Variants in FGF12 observed in about 807,000 individuals in gnomAD.
FGF12 encodes fibroblast growth factor 12.
FGF12 carries 14 observed loss-of-function variants against 23.6 expected under a neutral mutation model. The ratio of observed to expected loss-of-function variants is 0.59; its 90% CI spans 0.39 to 0.93. The LOEUF (loss-of-function observed/expected upper bound fraction) is 0.93. FGF12 is among the 40% of genes least tolerant of loss of function. The probability of loss-of-function intolerance (pLI) is 0.00; values close to 1 mark genes in which losing one functional copy is unlikely to be tolerated. For missense variants in FGF12, 175 were observed against 217.8 expected, an observed-to-expected ratio of 0.80 and a Z score of 1.24; for synonymous variants, 62 against 77.3, an observed-to-expected ratio of 0.80 and a Z score of 1.04.
At chr3:192,645,360 G>A (rs1715965114) in intron 2 of FGF12, among the ~76,000 whole-genome samples, 1 of 152,148 alleles carries the variant, frequency 6.6e-6, no homozygotes, top group Non-Finnish European at 1.5e-5. Context: ...TTAAATAAAT[G>A]TTTAGGACAC....
intron 2 of FGF12, among the ~76,000 whole-genome samples, chr3:192,640,410 C>T (rs191295647): frequency 2.0e-5 from 3 of 151,686 alleles, no homozygotes; most frequent in Admixed American, 6.6e-5. Flanking sequence ...AAAAGCTTGC[C>T]GGGAGAATGT....
chr3:192,586,028 T>TA (rs1713360509), intron 2 of FGF12, among the ~76,000 whole-genome samples: 1 of 149,148 alleles, frequency 6.7e-6, no homozygotes. Flanking sequence ...GAATAGTCCA[T>TA]AAAAGAAAAA....
intron 4 of FGF12, among the ~76,000 whole-genome samples, chr3:192,177,433 A>T (rs1321714336): frequency 6.6e-6 from 1 of 152,220 alleles, no homozygotes; most frequent in East Asian, 1.9e-4. Context: ...ATGTTATGTG[A>T]TTCACTCAGA....
chr3:192,413,369 A>G (rs1231758974), intron 2 of FGF12, among the ~76,000 whole-genome samples: 1 of 152,158 alleles, frequency 6.6e-6, no homozygotes, highest in African/African-American at 2.4e-5. Context: ...TTAATCGCCC[A>G]CTAGCTGTAT....
At chr3:192,323,872 C>G (rs1176966786) in intron 4 of FGF12, among the ~76,000 whole-genome samples, 1 of 152,038 alleles carries the variant, frequency 6.6e-6, no homozygotes, top group Non-Finnish European at 1.5e-5. Flanking sequence ...AGGCAGATCG[C>G]CTGAGCTCAG....
At chr3:192,714,709 G>C (rs970035736) in intron 2 of FGF12, among the ~76,000 whole-genome samples, 2 of 151,778 alleles carry the variant, frequency 1.3e-5, no homozygotes, top group Non-Finnish European at 2.9e-5. Flanking sequence ...TAGTAGAGAC[G>C]GGGTTTCATC....
rs78258047 is a variant in FGF12 at position 192,330,366 on chromosome 3, T to G, written c.228+4995A>C. On this transcript the variant is annotated intron_variant, in intron 4 of 5. Coordinates refer to ENST00000445105, the MANE Select transcript of FGF12 (RefSeq NM_004113.6). ...CTATGGTAATCGAACAGTATGGTAC[T>G]GGCACAAAGAGACACAAACACCAAT... Among the ~76,000 whole-genome samples the G allele has an allele frequency of 1.8e-4, 28 of 152,268 alleles. No homozygotes were observed. In the East Asian group the frequency reaches 5.4e-3, roughly 29 times the overall value.
chr3:192,652,141 T>G (rs146876143), intron 2 of FGF12, among the ~76,000 whole-genome samples: 1 of 152,250 alleles, frequency 6.6e-6, no homozygotes, highest in East Asian at 1.9e-4. Flanking sequence ...GAGATTAAAG[T>G]GGATAAAACG....
intron 2 of FGF12, among the ~76,000 whole-genome samples, chr3:192,644,346 A>G (rs988890826): frequency 3.3e-5 from 5 of 152,092 alleles, no homozygotes; most frequent in African/African-American, 1.2e-4. Context: ...AGCAAAGTCC[A>G]AGTCACCCAG....
Position 192,408,528 on chromosome 3 carries a change from A to T in FGF12, c.14-47990T>A. 8.4e-7 allele frequency: 1 copy of T among 1,196,142 alleles called. No homozygotes were observed. The highest frequency in any genetic ancestry group is 1.0e-6 in the Non-Finnish European group (1 of 961,940). 74.1% of individuals were successfully genotyped at this position (1,196,142 alleles called of 1,614,324 possible). A position where few individuals can be genotyped will look rare whatever the true frequency, so the allele number is the denominator to read the frequency against. The stretch of plus-strand genomic sequence containing the variant: ...CGTTTGCACCCCAAACTTGCACCCC[A>T]AGGCGATCGGCGTCCAAGGGGCAGT... On this transcript the variant is annotated intron_variant, in intron 2 of 5. Transcript: ENST00000445105. The surrounding 1 kb of genome is among the most constrained non-coding windows in gnomAD (Gnocchi z 7.3).
chr3:192,519,677 C>T (rs1170481498), intron 2 of FGF12, among the ~76,000 whole-genome samples: 1 of 152,194 alleles, frequency 6.6e-6, no homozygotes, highest in Admixed American at 6.5e-5. Flanking sequence ...TATTAATGTG[C>T]AGTTTGCCCG....
At chr3:192,689,630 A>C (rs569251032) in intron 2 of FGF12, among the ~76,000 whole-genome samples, 2 of 152,162 alleles carry the variant, frequency 1.3e-5, no homozygotes, top group South Asian at 2.1e-4. Context: ...AGAGTAGAAA[A>C]AAGAAAAAAA....
intron 4 of FGF12, among the ~76,000 whole-genome samples, chr3:192,182,882 G>A (rs998391743): frequency 1.3e-5 from 2 of 152,178 alleles, no homozygotes; most frequent in Non-Finnish European, 2.9e-5. Context: ...TTTTATTGGG[G>A]GTCTTATGTT....
chr3:192,381,821 A>C (rs1209598505), intron 2 of FGF12, among the ~76,000 whole-genome samples: 1 of 152,204 alleles, frequency 6.6e-6, no homozygotes, highest in Non-Finnish European at 1.5e-5. Flanking sequence ...GAAAGTGTGG[A>C]GTTCAGAGAC....
At position 192,611,009 on chromosome 3, in the gene FGF12, T is replaced by C. The variant is rs1714531265; in HGVS notation, c.13+116172A>G. Reference sequence around the variant, plus strand: ...CCTCTTTAGCCCTTATCATGATCTTTATTTTCCCCAATTACATTTTAACTT... The same window carrying C: ...CCTCTTTAGCCCTTATCATGATCTTCATTTTCCCCAATTACATTTTAACTT... On this transcript the variant is annotated intron_variant, in intron 2 of 5. Coordinates refer to ENST00000445105, the MANE Select transcript of FGF12 (RefSeq NM_004113.6). Among the ~76,000 whole-genome samples, 5 of 152,154 alleles carry C rather than the reference T, an allele frequency of 3.3e-5. No homozygotes were observed. In the South Asian group the frequency reaches 1.0e-3, roughly 32 times the overall value.
intron 2 of FGF12, among the ~76,000 whole-genome samples, chr3:192,582,310 T>C (rs1359861662): frequency 6.6e-6 from 1 of 152,190 alleles, no homozygotes; most frequent in Non-Finnish European, 1.5e-5. Flanking sequence ...AAGCACATAC[T>C]ATAAATATAA....
chr3:192,617,346 A>G (rs1383034962), intron 2 of FGF12, among the ~76,000 whole-genome samples: 4 of 152,052 alleles, frequency 2.6e-5, no homozygotes, highest in African/African-American at 9.7e-5. Flanking sequence ...AGGTTGGAGG[A>G]TCAAGTTTTA....
chr3:192,433,892 A>G (rs1329890847), intron 2 of FGF12, among the ~76,000 whole-genome samples: 1 of 152,202 alleles, frequency 6.6e-6, no homozygotes, highest in African/African-American at 2.4e-5. Flanking sequence ...GAGTCAGCAC[A>G]GTGGGCAGTT....
At chr3:192,681,546 C>G (rs1382986873) in intron 2 of FGF12, among the ~76,000 whole-genome samples, 1 of 152,208 alleles carries the variant, frequency 6.6e-6, no homozygotes, top group Non-Finnish European at 1.5e-5. Flanking sequence ...ATTGAGGCCT[C>G]TGCCTTGCCT....
Sources: gnomAD v4.1 joint callset for allele counts (sites outside exome capture counted in the v4.1 genomes callset) on GRCh38, gnomAD v4.1.1 for gene constraint, Gnocchi (gnomAD v3.1) non-coding constraint, MANE v1.5 for transcripts, NCBI Gene and HGNC (gene_info 2026-07-23, HGNC 2026-07-21) for gene names.